Variants in GRIA3 observed in about 807,000 individuals in gnomAD.
The protein encoded by GRIA3 is glutamate ionotropic receptor AMPA type subunit 3.
Under a neutral mutation model 63.0 loss-of-function variants are expected in GRIA3, and 3 were observed. That is an observed-to-expected ratio of 0.05 (90% CI 0.02 to 0.12). GRIA3 has a LOEUF of 0.12. Ranked by LOEUF, GRIA3 falls within the 10% of genes least tolerant of loss-of-function variation. GRIA3 has a pLI of 1.00. For missense variants in GRIA3, 347 were observed against 700.9 expected, an observed-to-expected ratio of 0.50 and a Z score of 5.70; for synonymous variants, 274 against 257.9, an observed-to-expected ratio of 1.06 and a Z score of -0.60.
intron 2 of GRIA3, among the ~76,000 whole-genome samples, chrX:123,197,184 G>T (rs1019659464): frequency 8.9e-6 from 1 of 111,751 alleles, no homozygotes; most frequent in Non-Finnish European, 1.9e-5. Flanking sequence ...TTTTTATCAT[G>T]TGTAAACTAG....
At chrX:123,404,328 C>T (rs1423180151) in intron 9 of GRIA3, among the ~76,000 whole-genome samples, 2 of 110,602 alleles carry the variant, frequency 1.8e-5, no homozygotes, top group Non-Finnish European at 3.8e-5. Context: ...CAGGGCTTTG[C>T]CTCAACTACC....
intron 2 of GRIA3, among the ~76,000 whole-genome samples, chrX:123,207,154 A>G (rs1172531531): frequency 3.4e-5 from 2 of 59,021 alleles, no homozygotes; most frequent in Non-Finnish European, 6.0e-5. Flanking sequence ...TCACCTCAGT[A>G]TTATAATTTG....
intron 3 of GRIA3, among the ~76,000 whole-genome samples, chrX:123,282,958 C>T (rs892723497): frequency 9.0e-6 from 1 of 111,695 alleles, no homozygotes; most frequent in African/African-American, 3.3e-5. Context: ...GCTGGCAAGA[C>T]GGCCAAATAG....
chrX:123,398,872 C>A, intron 7 of GRIA3, 69 bp downstream of exon 7: 1 of 895,338 alleles, frequency 1.1e-6, no homozygotes, highest in Admixed American at 2.3e-5. Flanking sequence ...AGACCTTGAT[C>A]TTGAGAGAAG....
At chrX:123,276,061 A>G (rs947194110) in intron 3 of GRIA3, among the ~76,000 whole-genome samples, 3 of 112,229 alleles carry the variant, frequency 2.7e-5, no homozygotes, top group South Asian at 3.8e-4. Context: ...GAGAGGGAAA[A>G]TGACTTACCT....
intron 13 of GRIA3, among the ~76,000 whole-genome samples, chrX:123,472,520 C>A: frequency 9.0e-6 from 1 of 111,631 alleles, no homozygotes; most frequent in African/African-American, 3.2e-5. Context: ...GTGTCTATGG[C>A]CATATTTTGT....
rs1014797111 is a variant in GRIA3 at position 123,215,954 on chromosome X, G to A, written c.268+29964G>A. On this transcript the variant is annotated intron_variant, in intron 2 of 15. Coordinates refer to ENST00000620443, the MANE Select transcript of GRIA3 (RefSeq NM_007325.5). Reference sequence around the variant, plus strand: ...ACAGGCTGCTTTGTGCTTTGTGCCCGGTGCTGTACTACATATCAGCTAAAG... The same window carrying A: ...ACAGGCTGCTTTGTGCTTTGTGCCCAGTGCTGTACTACATATCAGCTAAAG... Among the ~76,000 whole-genome samples, 7 of 111,840 alleles carry A rather than the reference G, an allele frequency of 6.3e-5. No individual in the cohort carries two copies. The South Asian group carries it at 2.6e-3, about 42-fold the overall frequency.
intron 4 of GRIA3, among the ~76,000 whole-genome samples, chrX:123,342,809 G>A (rs766035290): frequency 9.0e-6 from 1 of 111,647 alleles, no homozygotes; most frequent in Non-Finnish European, 1.9e-5. Context: ...CAGCAACAAA[G>A]GAGAATTTCC....
At chrX:123,297,198 C>T (rs2044690956) in intron 3 of GRIA3, among the ~76,000 whole-genome samples, 1 of 111,157 alleles carries the variant, frequency 9.0e-6, no homozygotes, top group Non-Finnish European at 1.9e-5. Context: ...ATGTGATTCC[C>T]GTGCATGTTA....
At chrX:123,190,175 C>T (rs1453493449) in intron 2 of GRIA3, among the ~76,000 whole-genome samples, 5 of 110,572 alleles carry the variant, frequency 4.5e-5, no homozygotes, top group African/African-American at 1.3e-4. Context: ...AAGATCAAGC[C>T]TCCTTCCCTT....
intron 5 of GRIA3, among the ~76,000 whole-genome samples, chrX:123,366,250 T>G (rs1603115502): frequency 9.0e-6 from 1 of 111,447 alleles, no homozygotes; most frequent in African/African-American, 3.3e-5. Flanking sequence ...GGTCTCAGCC[T>G]TATTTTACCC....
In GRIA3 at chrX:123,203,215, T is replaced by A. The variant is rs370725090; in HGVS notation, c.268+17225T>A. Among the ~76,000 whole-genome samples, 52 of 111,578 alleles carry A rather than the reference T, an allele frequency of 4.7e-4. No individual in the cohort carries two copies. In the South Asian group the frequency reaches 0.019, roughly 41 times the overall value. On this transcript the variant is annotated intron_variant, in intron 2 of 15. Transcript: ENST00000620443. ...GCTAGGAAAAAATAAAGATGTGGTA[T>A]TTAGGGCTGCTTGGCTCAAACTGAG...
intron 2 of GRIA3, among the ~76,000 whole-genome samples, chrX:123,198,187 T>C (rs1927624757): frequency 8.9e-6 from 1 of 112,080 alleles, no homozygotes; most frequent in Non-Finnish European, 1.9e-5. Context: ...GTCTAGGCAA[T>C]TCTTCCACTA....
At chrX:123,255,300 G>T (rs1967367960) in intron 3 of GRIA3, among the ~76,000 whole-genome samples, 1 of 111,526 alleles carries the variant, frequency 9.0e-6, no homozygotes, top group Non-Finnish European at 1.9e-5. Context: ...AAACAGCAGG[G>T]CCAGGAAGGA....
intron 10 of GRIA3, among the ~76,000 whole-genome samples, chrX:123,412,410 T>C (rs777543508): frequency 8.9e-6 from 1 of 111,896 alleles, no homozygotes; most frequent in Admixed American, 9.5e-5. Context: ...TATAAGTAAA[T>C]TGCATATCAC....
At chrX:123,484,429 TTTG>T (rs749698430) in intron 15 of GRIA3, among the ~76,000 whole-genome samples, 2 of 111,320 alleles carry the variant, frequency 1.8e-5, no homozygotes, top group Admixed American at 1.9e-4. Context: ...GCATTTGTGT[TTTG>T]TTGTTGTTGT....
chrX:123,253,201 G>A, intron 2 of GRIA3, 102 bp from the exon 3 acceptor site: 2 of 942,376 alleles, frequency 2.1e-6, no homozygotes, highest in Non-Finnish European at 3.1e-6. Flanking sequence ...TTCTTCTGAG[G>A]TATGCAATTT....
rs1462598988 is a variant in GRIA3, at chrX:123,354,949, A to G, written c.736A>G (p.Met246Val). Residue 246 changes from methionine (M) to valine (V), a missense_variant, in exon 5 of 16, where the codon ATG becomes GTG. Met to Val is a conservative substitution (Grantham distance 21). Transcript: ENST00000620443. ...LGKHSRGYHY[M>V]LANLGFTDIL... ...GAAACACTCAAGAGGTTATCACTAC[A>G]TGCTCGCTAACCTGGTAAGAACAAG... 2.5e-6 allele frequency: 3 copies of G among 1,189,956 alleles called. No individual in the cohort carries two copies. The highest frequency in any genetic ancestry group is 3.4e-6 in the Non-Finnish European group (3 of 876,941).
At chrX:123,409,946 C>T (rs945142988) in intron 10 of GRIA3, among the ~76,000 whole-genome samples, 1 of 111,486 alleles carries the variant, frequency 9.0e-6, no homozygotes, top group African/African-American at 3.3e-5. Flanking sequence ...GTTCACTAAA[C>T]TTGTGAGATT....
Sources: allele counts gnomAD v4.1 joint callset (sites outside exome capture counted in the v4.1 genomes callset), GRCh38; gene constraint gnomAD v4.1.1; transcripts MANE v1.5; gene names NCBI Gene and HGNC (gene_info 2026-07-23, HGNC 2026-07-21).